Variants in OR2AT4 observed in about 807,000 individuals in gnomAD.
The protein encoded by OR2AT4 is olfactory receptor family 2 subfamily AT member 4.
Under a neutral mutation model 10.3 loss-of-function variants are expected in OR2AT4, and 6 were observed. The observed-to-expected ratio is 0.58, with a 90% CI of 0.32 to 1.15. The LOEUF (loss-of-function observed/expected upper bound fraction) is 1.15, where lower values mean the gene tolerates loss of function less well. OR2AT4 is among the 50% of genes most tolerant of loss of function. OR2AT4 has a pLI of 0.05. For missense variants in OR2AT4, 354 were observed against 393.8 expected (o/e 0.90, Z 0.85); for synonymous variants, 145 against 159.1 (o/e 0.91, Z 0.67).
At chr11:75,087,665 T>C (rs1949297087) in exon 2 of OR2AT4, 1 of 152,190 alleles carries the variant, frequency 6.6e-6, no homozygotes, top group Non-Finnish European at 1.5e-5. Flanking sequence ...TTTTAATACA[T>C]CCCTTTTAGG....
exon 2 of OR2AT4, chr11:75,085,530 A>T (rs1591784009): frequency 6.6e-6 from 1 of 152,126 alleles, no homozygotes; most frequent in East Asian, 1.9e-4. Context: ...TTTATCTAAT[A>T]CCAAACCAGA....
chr11:75,084,218 C>T (rs1484001347), exon 2 of OR2AT4: 2 of 152,004 alleles, frequency 1.3e-5, no homozygotes, highest in South Asian at 2.1e-4. Flanking sequence ...GGGAGGGTAG[C>T]GAGGTTTGTA....
At chr11:75,093,882 T>C (rs1298935830) in intron 1 of OR2AT4, among the ~76,000 whole-genome samples, 1 of 131,760 alleles carries the variant, frequency 7.6e-6, no homozygotes, top group Non-Finnish European at 1.6e-5. Context: ...AGTGCAGTGG[T>C]ACAAGCTCGG....
intron 1 of OR2AT4, among the ~76,000 whole-genome samples, chr11:75,093,819 T>C (rs1565515322): frequency 2.7e-5 from 2 of 72,730 alleles, no homozygotes; most frequent in African/African-American, 4.6e-5. Flanking sequence ...TCTTTTTTTT[T>C]TTTTTTTTTT....
At chr11:75,094,937 A>G (rs1206614210) in intron 1 of OR2AT4, among the ~76,000 whole-genome samples, 2 of 152,208 alleles carry the variant, frequency 1.3e-5, no homozygotes, top group Non-Finnish European at 2.9e-5. Flanking sequence ...GGTTTTTCTA[A>G]TACCCAAAGA....
chr11:75,096,479 G>T (rs1385848806), intron 1 of OR2AT4, among the ~76,000 whole-genome samples: 1 of 152,166 alleles, frequency 6.6e-6, no homozygotes, highest in African/African-American at 2.4e-5. Flanking sequence ...AGTTAGAAAG[G>T]CCTGAGTTTC....
Position 75,089,334 on chromosome 11 carries a change from C to T in OR2AT4, c.380G>A (p.Arg127His), listed in dbSNP as rs778499204. 7.1e-5 allele frequency: 115 copies of T among 1,613,968 alleles called. No homozygotes were observed. The highest frequency in any genetic ancestry group is 1.5e-4 in the Admixed American group (9 of 60,012). ...CAGTGGGTGGCAGATAGCCACATAG[C>T]GGTCATAGGCCATGACCACCAGGAT... The change falls in exon 2 of 2, where the codon CGC (arginine) becomes CAC (histidine). Residue 127 changes from arginine (R) to histidine (H), a missense_variant. Coordinates refer to ENST00000641504, the Ensembl canonical transcript of OR2AT4.
chr11:75,093,031 T>C (rs904115537), intron 1 of OR2AT4, among the ~76,000 whole-genome samples: 2 of 151,832 alleles, frequency 1.3e-5, no homozygotes, highest in African/African-American at 4.8e-5. Context: ...ACCTGGGAGG[T>C]GGAGGTTGCA....
At chr11:75,083,466 A>G (rs191825641) in exon 2 of OR2AT4, 10 of 152,338 alleles carry the variant, frequency 6.6e-5, no homozygotes, top group African/African-American at 2.4e-4. Flanking sequence ...TAGTTCAGCC[A>G]CTGTGGAAAG....
exon 2 of OR2AT4, chr11:75,085,201 C>T (rs1030580853): frequency 1.3e-5 from 2 of 151,836 alleles, no homozygotes; most frequent in African/African-American, 4.8e-5. Context: ...ACATCACAGA[C>T]ATTAAAAGGA....
At chr11:75,085,485 G>A (rs540017031) in exon 2 of OR2AT4, 50 of 151,996 alleles carry the variant, frequency 3.3e-4, no homozygotes, top group Non-Finnish European at 5.2e-4. Flanking sequence ...TAGAAGAGAC[G>A]GGAAAGCTTC....
chr11:75,089,242 G>A, exon 2 of OR2AT4: 3 of 1,614,200 alleles, frequency 1.9e-6, no homozygotes, highest in East Asian at 2.2e-5. Flanking sequence ...GGCAGGAGGA[G>A]GGCAGTTAGC....
chr11:75,094,978 A>G (rs79168442), intron 1 of OR2AT4, among the ~76,000 whole-genome samples: 4,409 of 152,308 alleles, frequency 0.029, 203 homozygotes, highest in African/African-American at 0.1. Context: ...GAACGTTGTT[A>G]CAGCTCAGAG....
At chr11:75,093,810 C>CTTTTT (rs556380402) in intron 1 of OR2AT4, among the ~76,000 whole-genome samples, 1,691 of 61,454 alleles carry the variant, frequency 0.028, 2 homozygotes, top group Non-Finnish European at 0.039. Flanking sequence ...TTTTCTTTTT[C>CTTTTT]TTTTTTTTTT....
chr11:75,093,034 A>T (rs1230300407), intron 1 of OR2AT4, among the ~76,000 whole-genome samples: 1 of 152,140 alleles, frequency 6.6e-6, no homozygotes, highest in African/African-American at 2.4e-5. Flanking sequence ...TGGGAGGTGG[A>T]GGTTGCAGTG....
chr11:75,091,624 A>G (rs910286699), intron 1 of OR2AT4, among the ~76,000 whole-genome samples: 1 of 152,240 alleles, frequency 6.6e-6, no homozygotes, highest in Non-Finnish European at 1.5e-5. Context: ...TTAAGCCCAG[A>G]GATAGAAGAG....
chr11:75,092,222 G>C (rs772529260), intron 1 of OR2AT4, among the ~76,000 whole-genome samples: 13 of 152,148 alleles, frequency 8.5e-5, no homozygotes, highest in Non-Finnish European at 5.9e-5. Context: ...TAAAAGGACC[G>C]CAAGTGTTGG....
rs983294012 is a variant in OR2AT4 at position 75,089,935 on chromosome 11, A to G, written c.-222T>C. On this transcript the variant is annotated 5_prime_UTR_variant, in exon 2 of 2. Coordinates refer to ENST00000641504, the Ensembl canonical transcript of OR2AT4. ...ACGCAAAATTTGTCAAATATTGATT[A>G]TTAATTAATTAATAACCAACCAAAT... The G allele has an allele frequency of 2.5e-5, 13 of 511,010 alleles. No homozygotes were observed. In the East Asian group the frequency reaches 3.9e-4, roughly 15 times the overall value. The allele number at this position is 511,010 out of a possible 1,614,324, so 31.7% of individuals were successfully genotyped here.
Position 75,093,810 on chromosome 11 carries a change from CTTTTTTTTTTTTTTTTTT to C in OR2AT4, c.-652+3000_-652+3017del, listed in dbSNP as rs556380402. ...TTTTCTTTTTTTTCTTTTTCTTTTT[CTTTTTTTTTTTTTTTTTT>C]TTTTTTTTTTTGAGACAGAGTCTTG... On this transcript the variant is annotated intron_variant, in intron 1 of 1. Transcript: ENST00000641504. Among the ~76,000 whole-genome samples the C allele has an allele frequency of 2.9e-4, 18 of 61,808 alleles. No individual in the cohort carries two copies. In the Admixed American group the frequency reaches 3.6e-3, roughly 12 times the overall value. The allele number at this position is 61,808 out of a possible 152,430, so 40.5% of individuals were successfully genotyped here.
Sources: gnomAD v4.1 joint callset for allele counts (sites outside exome capture counted in the v4.1 genomes callset) on GRCh38, gnomAD v4.1.1 for gene constraint, MANE v1.5 for transcripts, NCBI Gene and HGNC (gene_info 2026-07-23, HGNC 2026-07-21) for gene names.